Variants in UMODL1 observed in about 807,000 individuals in gnomAD.
UMODL1 encodes uromodulin-like 1.
In UMODL1, 128 loss-of-function variants were observed where a neutral mutation model predicts 136.3. The observed-to-expected ratio is 0.94, with a 90% CI of 0.81 to 1.09. The LOEUF is 1.09. UMODL1 is among the 50% of genes least tolerant of loss of function. The pLI, the probability that UMODL1 is intolerant of heterozygous loss-of-function variation, is 0.00. For synonymous variants in UMODL1, 721 were observed against 720.0 expected, an observed-to-expected ratio of 1.00 and a Z score of -0.02; for missense variants, 1,766 against 1,725.6, an observed-to-expected ratio of 1.02 and a Z score of -0.41.
intron 21 of UMODL1, among the ~76,000 whole-genome samples, chr21:42,134,780 A>AT (rs34392732): frequency 0.17 from 24,926 of 143,554 alleles, 2,271 homozygotes; most frequent in Middle Eastern, 0.26. Context: ...AAGTCTGGCT[A>AT]TTTTTTTTTT....
chr21:42,132,906 G>A (rs1022767146), intron 21 of UMODL1, among the ~76,000 whole-genome samples: 21 of 152,306 alleles, frequency 1.4e-4, no homozygotes, highest in African/African-American at 4.8e-4. Flanking sequence ...TAAAGAGCCT[G>A]GCCCATAGAA....
rs2066592042 is a variant in UMODL1, at chr21:42,098,964, A to G, written c.970A>G (p.Thr324Ala). Residue 324 changes from threonine to alanine, a missense_variant, in exon 7 of 23, where the codon ACC becomes GCC. Coordinates refer to ENST00000408910, the MANE Select transcript of UMODL1 (RefSeq NM_001004416.3). ...CAGTGACTACGTGGTCCTCAACGTC[A>G]CCAGTGACAGTTTTCAAGTATCCTG... ...PVSDYVVLNV[T>A]SDSFQVSWRL... 1 of 1,614,158 alleles carries G rather than the reference A, an allele frequency of 6.2e-7. No individual in the cohort carries two copies. The highest frequency in any genetic ancestry group is 8.5e-7 in the Non-Finnish European group (1 of 1,180,022).
At chr21:42,082,706 G>A (rs954417644) in intron 2 of UMODL1, among the ~76,000 whole-genome samples, 1 of 152,152 alleles carries the variant, frequency 6.6e-6, no homozygotes, top group African/African-American at 2.4e-5. Context: ...GTCATCTCCT[G>A]CCCTGGGCCC....
At position 42,090,407 on chromosome 21, in the gene UMODL1, G is replaced by C. The variant is rs772466771; in HGVS notation, c.900G>C (p.Thr300=). ...TCTGTCACCAGGAAGCTCCAGCCAC[G>C]TCTCCACGGAAGCTGAACCTGGAGT... The part of the protein sequence containing the change: ...WCVCHQEAPA[T]SPRKLNLEWE... Residue 300 remains threonine (T), a synonymous_variant, in exon 6 of 23, where the codon ACG becomes ACC. Coordinates refer to ENST00000408910, the MANE Select transcript of UMODL1 (RefSeq NM_001004416.3). The C allele has an allele frequency of 1.2e-6, 2 of 1,613,956 alleles. No homozygotes were observed. The highest frequency in any genetic ancestry group is 1.7e-6 in the Non-Finnish European group (2 of 1,179,926).
Position 42,119,163 on chromosome 21 carries a change from T to G in UMODL1, c.2528T>G (p.Val843Gly), listed in dbSNP as rs1601252814. ...TMCQHMDAGG[V>G]RMEVVSVTNG... ...TGTCAGCACATGGACGCTGGTGGGG[T>G]CAGGATGGAAGTCGTCAGCGTCACC... Residue 843 changes from valine to glycine, a missense_variant, in exon 15 of 23, where the codon GTC becomes GGC. By Grantham distance (109) the Val-to-Gly change is moderately radical (BLOSUM62 -3). Coordinates refer to ENST00000408910, the MANE Select transcript of UMODL1 (RefSeq NM_001004416.3). The G allele has an allele frequency of 6.2e-7, 1 of 1,613,894 alleles. No individual in the cohort carries two copies. Among genetic ancestry groups the G allele is most frequent in the Non-Finnish European group, 8.5e-7 (1 of 1,179,980 alleles).
intron 14 of UMODL1, among the ~76,000 whole-genome samples, chr21:42,118,202 G>T (rs919303106): frequency 2.0e-5 from 3 of 152,198 alleles, no homozygotes; most frequent in Admixed American, 1.3e-4. Context: ...GAGAAAGAGA[G>T]AGGGAAGAAC....
chr21:42,112,661 G>A (rs534065854), intron 12 of UMODL1, among the ~76,000 whole-genome samples: 56 of 151,756 alleles, frequency 3.7e-4, no homozygotes, highest in Admixed American at 9.8e-4. Flanking sequence ...CACCTCCCCA[G>A]CTGTTTTGTG....
At chr21:42,125,619 C>T (rs1170310176) in intron 17 of UMODL1, among the ~76,000 whole-genome samples, 2 of 152,194 alleles carry the variant, frequency 1.3e-5, no homozygotes, top group Non-Finnish European at 2.9e-5. Context: ...GGAGGCCGAG[C>T]GTTGGCAGCA....
intron 6 of UMODL1, among the ~76,000 whole-genome samples, chr21:42,095,089 G>GTTTTTTTTTTTTTTTTTTTTTTTTTTTT (rs58764222): frequency 9.8e-5 from 6 of 61,204 alleles, no homozygotes; most frequent in African/African-American, 2.5e-4. Flanking sequence ...TTCTTCTGCT[G>GTTTTTTTTTTTTTTTTTTTTTTTTTTTT]TTTTTTTTTT....
intron 10 of UMODL1, among the ~76,000 whole-genome samples, chr21:42,110,021 G>A (rs28523337): frequency 0.21 from 32,289 of 152,144 alleles, 3,576 homozygotes; most frequent in South Asian, 0.28. Context: ...GCCCACAGAA[G>A]TCAGGATGCA....
chr21:42,062,959 C>T (rs776889507), exon 1 of UMODL1: 3 of 152,258 alleles, frequency 2.0e-5, no homozygotes, highest in Admixed American at 6.5e-5. Context: ...GGGCTGACAG[C>T]GCTGGTTTCC....
At chr21:42,069,229 A>AACACACACACACACACACACACAC (rs61712292), upstream of UMODL1, among the ~76,000 whole-genome samples, 101 of 136,384 alleles carry the variant, frequency 7.4e-4, 2 homozygotes, top group Admixed American at 2.5e-3. Context: ...CACAGACAGA[A>AACACACACACACACACACACACAC]ACACACACAC....
At chr21:42,079,288 AC>A (rs948068238) in intron 2 of UMODL1, among the ~76,000 whole-genome samples, 3 of 152,170 alleles carry the variant, frequency 2.0e-5, no homozygotes, top group African/African-American at 7.2e-5. Flanking sequence ...GCCTCTCCCC[AC>A]CACCTGCCCT....
At chr21:42,097,826 A>G (rs1288425151) in intron 6 of UMODL1, among the ~76,000 whole-genome samples, 1 of 152,220 alleles carries the variant, frequency 6.6e-6, no homozygotes, top group Non-Finnish European at 1.5e-5. Flanking sequence ...GTTTTTAACC[A>G]AAAAAGAGCT....
chr21:42,117,023 C>A (rs1405874239), intron 14 of UMODL1, among the ~76,000 whole-genome samples: 1 of 152,110 alleles, frequency 6.6e-6, no homozygotes, highest in Non-Finnish European at 1.5e-5. Context: ...TTGCAGTGAG[C>A]TGAGATCTTG....
chr21:42,121,368 C>T (rs1048700098), intron 16 of UMODL1, 144 bp downstream of exon 16: 9 of 712,786 alleles, frequency 1.3e-5, no homozygotes, highest in East Asian at 5.6e-5. Flanking sequence ...TGTGGGTGCA[C>T]GTGTGTGTGT....
chr21:42,095,358 G>C lies in UMODL1; in HGVS notation c.932-3568G>C, dbSNP rs150096467. Among the ~76,000 whole-genome samples the C allele has an allele frequency of 3.6e-3, 544 of 152,192 alleles. 1 individual carries two copies. The highest frequency in any genetic ancestry group is 0.012 in the African/African-American group (513 of 41,510). On this transcript the variant is annotated intron_variant, in intron 6 of 22. Transcript: ENST00000408910. ...CATCCGCCCACTTTGGCCTCCCAAAGTTCTGGGATTACAGATGTGAGCCAC... is the reference window on the plus strand; with the variant it reads ...CATCCGCCCACTTTGGCCTCCCAAACTTCTGGGATTACAGATGTGAGCCAC...
chr21:42,106,677 C>G (rs931688418), intron 9 of UMODL1, among the ~76,000 whole-genome samples: 2 of 152,222 alleles, frequency 1.3e-5, no homozygotes, highest in South Asian at 2.1e-4. Flanking sequence ...AGCCGCCCCC[C>G]GCGCCTATGA....
At chr21:42,126,571 C>T (rs1441746552) in intron 18 of UMODL1, 81 bp downstream of exon 18, 2 of 1,591,460 alleles carry the variant, frequency 1.3e-6, no homozygotes, top group African/African-American at 1.3e-5. Context: ...AGGGTGTCAA[C>T]CACTTAAGGA....
Sources: allele counts gnomAD v4.1 joint callset (sites outside exome capture counted in the v4.1 genomes callset), GRCh38; gene constraint gnomAD v4.1.1; transcripts MANE v1.5; gene names NCBI Gene and HGNC (gene_info 2026-07-23, HGNC 2026-07-21).